The following PFKFB4 variants were observed in gnomAD, a reference collection of about 807,000 sequenced individuals.
PFKFB4 encodes the protein 6-phosphofructo-2-kinase/fructose-2,6-biphosphatase 4, also known as 6-phosphofructo-2-kinase/fructose-2,6-bisphosphatase 4.
A neutral mutation model predicts 62.8 loss-of-function variants in PFKFB4; 42 were observed. That is an observed-to-expected ratio of 0.67 (90% CI 0.52 to 0.86). PFKFB4 has a LOEUF of 0.86. PFKFB4 is among the 40% of genes least tolerant of loss of function. The pLI is 0.00. For missense variants in PFKFB4, 475 were observed against 627.2 expected (o/e 0.76, Z 2.59); for synonymous variants, 204 against 240.7 (o/e 0.85, Z 1.41).
intron 3 of PFKFB4, among the ~76,000 whole-genome samples, chr3:48,544,463 T>C (rs2042901112): frequency 6.7e-6 from 1 of 149,166 alleles, no homozygotes; most frequent in Admixed American, 6.7e-5. Flanking sequence ...TTTTTTTTTT[T>C]TTGAGATAAG....
At chr3:48,528,311 A>T (rs1229216699) in intron 9 of PFKFB4, among the ~76,000 whole-genome samples, 1 of 152,180 alleles carries the variant, frequency 6.6e-6, no homozygotes, top group African/African-American at 2.4e-5. Context: ...TAATTACCAT[A>T]TGACCCAGCA....
intron 7 of PFKFB4, chr3:48,536,958 G>A (rs2042640219): frequency 6.3e-6 from 1 of 158,206 alleles, no homozygotes; most frequent in Non-Finnish European, 1.4e-5. Context: ...CCTCCCACTA[G>A]AGCCCAGTCC....
At chr3:48,525,448 G>A (rs1449106063) in intron 10 of PFKFB4, 117 bp downstream of exon 10, 6 of 560,180 alleles carry the variant, frequency 1.1e-5, no homozygotes, top group Non-Finnish European at 1.6e-5. Flanking sequence ...AGGCCTCTGA[G>A]ACCAGGCCCC....
chr3:48,558,998 T>C (rs1399249798), upstream of PFKFB4, among the ~76,000 whole-genome samples: 1 of 152,216 alleles, frequency 6.6e-6, no homozygotes, highest in Non-Finnish European at 1.5e-5. Flanking sequence ...TCTCCTCTGA[T>C]ATCTACAGAC....
chr3:48,543,279 C>T (rs1406317666), intron 4 of PFKFB4, among the ~76,000 whole-genome samples: 1 of 152,200 alleles, frequency 6.6e-6, no homozygotes, highest in Admixed American at 6.5e-5. Context: ...ATCACATTTA[C>T]TAAAGACTTA....
upstream of PFKFB4, among the ~76,000 whole-genome samples, chr3:48,560,734 C>T (rs1274522271): frequency 1.3e-5 from 2 of 152,228 alleles, no homozygotes; most frequent in Non-Finnish European, 2.9e-5. Context: ...GGTGTGACCC[C>T]AAGAGGAAAC....
chr3:48,529,483 CTG>C (rs2042365883), intron 9 of PFKFB4, among the ~76,000 whole-genome samples: 1 of 152,034 alleles, frequency 6.6e-6, no homozygotes, highest in Admixed American at 6.6e-5. Flanking sequence ...AGGAAAAAAA[CTG>C]GGGTGGCTGC....
chr3:48,524,736 G>C (rs1030257355), intron 10 of PFKFB4, among the ~76,000 whole-genome samples: 5 of 152,112 alleles, frequency 3.3e-5, no homozygotes, highest in African/African-American at 9.7e-5. Flanking sequence ...CTGGCTTCTG[G>C]GTGGAGGTGC....
chr3:48,549,650 C>T (rs1174906445), intron 3 of PFKFB4, among the ~76,000 whole-genome samples: 1 of 152,164 alleles, frequency 6.6e-6, no homozygotes, highest in South Asian at 2.1e-4. Flanking sequence ...CCTCCCACCC[C>T]CACCACATCC....
At chr3:48,555,854 T>G (rs745532092) in intron 1 of PFKFB4, among the ~76,000 whole-genome samples, 6 of 151,748 alleles carry the variant, frequency 4.0e-5, no homozygotes, top group Non-Finnish European at 8.8e-5. Flanking sequence ...CAGTGAACTA[T>G]GATCGCGCCA....
At chr3:48,560,514 G>A (rs1338762844), upstream of PFKFB4, among the ~76,000 whole-genome samples, 1 of 152,226 alleles carries the variant, frequency 6.6e-6, no homozygotes, top group Non-Finnish European at 1.5e-5. Flanking sequence ...GCCACAGGGC[G>A]TACAGTAGGT....
Position 48,520,533 on chromosome 3 carries a change from T to C in PFKFB4, c.1351-727A>G, listed in dbSNP as rs374149116. On this transcript the variant is annotated intron_variant, in intron 13 of 13. Transcript: ENST00000232375. ...ACTGATGACCTGAGCTGCTGCCCCA[T>C]GCAACATGACATGCCCAGATCTTCA... Among the ~76,000 whole-genome samples the C allele has an allele frequency of 3.9e-5, 6 of 152,284 alleles. No individual in the cohort carries two copies. In the East Asian group the frequency reaches 7.7e-4, roughly 20 times the overall value.
At chr3:48,562,308 C>G (rs941777615), upstream of PFKFB4, 1 of 160,382 alleles carries the variant, frequency 6.2e-6, no homozygotes, top group African/African-American at 2.4e-5. The surrounding 1 kb of genome is among the most constrained non-coding windows in gnomAD (Gnocchi z 4.3). Flanking sequence ...GGATGACAGA[C>G]CTGTGGGCCT....
rs1484724393 is a variant in PFKFB4, at chr3:48,535,803, AC to A, written c.841-146del. On this transcript the variant is annotated intron_variant, in intron 8 of 13. Coordinates refer to ENST00000232375, the MANE Select transcript of PFKFB4 (RefSeq NM_004567.4). ...AAGCATGAACTAACTTGTCGATGAC[AC>A]ACATGCTGACACACAAGAACACAAG... 8 of 872,156 alleles carry A rather than the reference AC, an allele frequency of 9.2e-6. No individual in the cohort carries two copies. In the African/African-American group the frequency reaches 1.3e-4, roughly 15 times the overall value. 54.0% of individuals were successfully genotyped at this position (872,156 alleles called of 1,614,324 possible).
At position 48,543,627 on chromosome 3, in the gene PFKFB4, G is replaced by A. The variant is rs1273288705; in HGVS notation, c.331C>T (p.Leu111Phe). 4.3e-6 allele frequency: 7 copies of A among 1,611,798 alleles called. No homozygotes were observed. The highest frequency in any genetic ancestry group is 5.9e-6 in the Non-Finnish European group (7 of 1,179,250). ...CTAAGGAACCGCCGGACGTCACGGA[G>A]GGCTGCCAGGGCACACTGCCTTCAG... ...KIRKQCALAA[L>F]RDVRRFLSEE... Residue 111 changes from leucine (L) to phenylalanine (F), a missense_variant, in exon 4 of 14, where the codon CTC becomes TTC. Leu to Phe is a conservative substitution (Grantham distance 22, BLOSUM62 0). Coordinates refer to ENST00000232375, the MANE Select transcript of PFKFB4 (RefSeq NM_004567.4).
upstream of PFKFB4, chr3:48,561,080 G>A (rs753008609): frequency 1.0e-4 from 130 of 1,282,750 alleles, no homozygotes; most frequent in Middle Eastern, 6.4e-4. The surrounding 1 kb of genome is among the most constrained non-coding windows in gnomAD (Gnocchi z 5.2). Context: ...GCCCCAGGTC[G>A]GTCAGGGAGC....
chr3:48,543,398 C>T (rs993967427), intron 4 of PFKFB4, among the ~76,000 whole-genome samples, 182 bp downstream of exon 4: 1 of 152,228 alleles, frequency 6.6e-6, no homozygotes, highest in African/African-American at 2.4e-5. Context: ...AACTCCTGGC[C>T]CATATCCAGT....
chr3:48,553,200 G>GT lies in PFKFB4; in HGVS notation c.98-2967dup, dbSNP rs564966824. Among the ~76,000 whole-genome samples, 7 of 152,330 alleles carry GT rather than the reference G, an allele frequency of 4.6e-5. No individual in the cohort carries two copies. In the South Asian group the frequency reaches 1.4e-3, roughly 32 times the overall value. On this transcript the variant is annotated intron_variant, in intron 1 of 13. Transcript: ENST00000232375. ...TAGAATACACTGTTTATAGCTGGGC[G>GT]TGATGGCACATGCCTGTAATCCCAG...
At chr3:48,526,451 T>A (rs1031901433) in intron 9 of PFKFB4, among the ~76,000 whole-genome samples, 2 of 151,082 alleles carry the variant, frequency 1.3e-5, no homozygotes, top group African/African-American at 4.9e-5. Flanking sequence ...CGCACGCCTG[T>A]AGTCCCAGCT....
Sources: allele counts gnomAD v4.1 joint callset (sites outside exome capture counted in the v4.1 genomes callset), GRCh38; gene constraint gnomAD v4.1.1; non-coding constraint Gnocchi (gnomAD v3.1); transcripts MANE v1.5; gene names NCBI Gene and HGNC (gene_info 2026-07-23, HGNC 2026-07-21).